LRRC4C: variants seen among roughly 807,000 people sequenced by gnomAD.
LRRC4C encodes leucine-rich repeat-containing protein 4C.
Under a neutral mutation model 33.6 loss-of-function variants are expected in LRRC4C, and 5 were observed. That is an observed-to-expected ratio of 0.15 (90% confidence interval 0.08 to 0.31). LRRC4C has a LOEUF of 0.31. Ranked by LOEUF, LRRC4C falls within the 10% of genes least tolerant of loss-of-function variation. The pLI is 1.00. For missense variants in LRRC4C, 560 were observed against 796.7 expected (o/e 0.70, Z 3.58); for synonymous variants, 329 against 302.0 (o/e 1.09, Z -0.93).
At chr11:41,022,422 T>C (rs1394145925) in intron 1 of LRRC4C, among the ~76,000 whole-genome samples, 1 of 151,846 alleles carries the variant, frequency 6.6e-6, no homozygotes, top group Non-Finnish European at 1.5e-5. Context: ...AGATTTGCCT[T>C]TTACATAGAA....
intron 5 of LRRC4C, among the ~76,000 whole-genome samples, chr11:40,237,003 G>C (rs181328138): frequency 6.6e-6 from 1 of 151,904 alleles, no homozygotes; most frequent in Non-Finnish European, 1.5e-5. Flanking sequence ...GGATTACAAA[G>C]AAAAAAACAC....
chr11:40,879,279 T>C (rs1011771553), intron 2 of LRRC4C, among the ~76,000 whole-genome samples: 1 of 152,200 alleles, frequency 6.6e-6, no homozygotes. Flanking sequence ...CCATCACTTG[T>C]TGGAGTGAAC....
chr11:41,075,071 CTAAGTT>C (rs1253281500), intron 1 of LRRC4C, among the ~76,000 whole-genome samples: 7 of 15,914 alleles, frequency 4.4e-4, no homozygotes, highest in Non-Finnish European at 7.3e-4. Context: ...TTATTATACT[CTAAGTT>C]TTAGGGTACA....
intron 3 of LRRC4C, among the ~76,000 whole-genome samples, chr11:40,621,977 A>G (rs1182840913): frequency 6.6e-6 from 1 of 151,836 alleles, no homozygotes; most frequent in Non-Finnish European, 1.5e-5. Flanking sequence ...GAATCCAGGC[A>G]GTCTCATTCA....
intron 3 of LRRC4C, among the ~76,000 whole-genome samples, chr11:40,643,618 A>G (rs868510634): frequency 4.6e-5 from 7 of 152,200 alleles, no homozygotes; most frequent in South Asian, 4.1e-4. Flanking sequence ...ACCAATACCC[A>G]ACCCCCCTGC....
intron 3 of LRRC4C, among the ~76,000 whole-genome samples, chr11:40,519,919 G>T (rs1024447878): frequency 1.3e-5 from 2 of 152,182 alleles, no homozygotes; most frequent in Non-Finnish European, 2.9e-5. Context: ...CTAAATGCCA[G>T]AATATCCATG....
At chr11:40,887,019 T>C (rs1014446768) in intron 2 of LRRC4C, among the ~76,000 whole-genome samples, 27 of 144,520 alleles carry the variant, frequency 1.9e-4, no homozygotes, top group South Asian at 4.4e-4. Context: ...CACACACACA[T>C]ACGAGAAAAT....
At chr11:41,116,233 T>C (rs905647297) in intron 1 of LRRC4C, among the ~76,000 whole-genome samples, 8 of 152,256 alleles carry the variant, frequency 5.3e-5, no homozygotes, top group Middle Eastern at 6.8e-3. Flanking sequence ...CTCCACCATA[T>C]GCATCCTATG....
intron 2 of LRRC4C, among the ~76,000 whole-genome samples, chr11:40,906,398 C>G (rs1237411984): frequency 3.3e-5 from 5 of 152,124 alleles, no homozygotes; most frequent in African/African-American, 4.8e-5. Flanking sequence ...GTAATCCCAG[C>G]TACTCGGGAG....
intron 3 of LRRC4C, chr11:40,446,757 A>T (rs1951654229): frequency 6.6e-6 from 1 of 152,184 alleles, no homozygotes; most frequent in Non-Finnish European, 1.5e-5. Context: ...AGAGAGAATG[A>T]CCAAAGGAAG....
intron 1 of LRRC4C, among the ~76,000 whole-genome samples, chr11:41,444,686 A>C (rs1955763735): frequency 6.6e-6 from 1 of 152,218 alleles, no homozygotes; most frequent in Admixed American, 6.5e-5. Flanking sequence ...CTACATAATA[A>C]GCTTGAGTAC....
At chr11:41,352,666 A>G (rs1394303658) in intron 1 of LRRC4C, among the ~76,000 whole-genome samples, 1 of 152,158 alleles carries the variant, frequency 6.6e-6, no homozygotes, top group Non-Finnish European at 1.5e-5. Context: ...AATTATACCA[A>G]TCATACTCTT....
intron 3 of LRRC4C, among the ~76,000 whole-genome samples, chr11:40,588,332 C>T (rs368025295): frequency 5.3e-5 from 8 of 151,998 alleles, no homozygotes; most frequent in African/African-American, 1.7e-4. Flanking sequence ...ATCCCCTTTA[C>T]CATTTTTTAT....
intron 5 of LRRC4C, among the ~76,000 whole-genome samples, chr11:40,172,377 T>C (rs942131336): frequency 8.5e-5 from 13 of 152,144 alleles, no homozygotes; most frequent in Non-Finnish European, 1.8e-4. Flanking sequence ...CCCTTCACTA[T>C]CCTGTCCCCA....
intron 3 of LRRC4C, among the ~76,000 whole-genome samples, chr11:40,412,033 G>A (rs866832753): frequency 6.6e-6 from 1 of 151,780 alleles, no homozygotes; most frequent in Admixed American, 6.6e-5. Context: ...ATAACATACA[G>A]CTTTTTTTGG....
intron 1 of LRRC4C, among the ~76,000 whole-genome samples, chr11:41,174,782 T>G (rs1945124489): frequency 6.6e-6 from 1 of 152,094 alleles, no homozygotes; most frequent in Non-Finnish European, 1.5e-5. Flanking sequence ...CTAATTTGTT[T>G]TTTTTAAAAA....
At chr11:40,782,433 C>T (rs1441728625) in intron 2 of LRRC4C, among the ~76,000 whole-genome samples, 2 of 150,580 alleles carry the variant, frequency 1.3e-5, no homozygotes, top group Non-Finnish European at 2.9e-5. Flanking sequence ...GCTCCTCCCA[C>T]CTAATTGCAT....
chr11:41,098,868 C>A (rs1049199717), intron 1 of LRRC4C, among the ~76,000 whole-genome samples: 2 of 150,910 alleles, frequency 1.3e-5, no homozygotes, highest in South Asian at 2.1e-4. Flanking sequence ...ATTTAGATAC[C>A]AAAAATTCAA....
chr11:40,316,057 C>A (rs770054935), intron 4 of LRRC4C, among the ~76,000 whole-genome samples: 1 of 151,822 alleles, frequency 6.6e-6, no homozygotes, highest in South Asian at 2.1e-4. Flanking sequence ...TAGCCACTAC[C>A]AATATAGCCA....
Sources: allele counts gnomAD v4.1 joint callset (sites outside exome capture counted in the v4.1 genomes callset), GRCh38; gene constraint gnomAD v4.1.1; transcripts MANE v1.5; gene names NCBI Gene and HGNC (gene_info 2026-07-23, HGNC 2026-07-21).